Variants in CEP68 observed in about 807,000 individuals in gnomAD.
The protein encoded by CEP68 is centrosomal protein 68.
CEP68 carries 26 observed loss-of-function variants against 55.3 expected under a neutral mutation model. The ratio of observed to expected loss-of-function variants is 0.47; its 90% CI spans 0.34 to 0.65. CEP68 has a LOEUF of 0.65. Ranked by LOEUF, CEP68 falls within the 30% of genes least tolerant of loss-of-function variation. The probability of loss-of-function intolerance (pLI) is 0.01; values close to 1 mark genes in which losing one functional copy is unlikely to be tolerated. For missense variants in CEP68, 957 were observed against 946.7 expected, an observed-to-expected ratio of 1.01 and a Z score of -0.14; for synonymous variants, 402 against 383.2, an observed-to-expected ratio of 1.05 and a Z score of -0.57.
chr2:65,071,100 T>G, intron 2 of CEP68: 2 of 278,990 alleles, frequency 7.2e-6, no homozygotes, highest in East Asian at 8.7e-5. Flanking sequence ...GACAGAGTGA[T>G]TGAGGGTTTC....
Position 65,082,728 on chromosome 2 carries a change from A to C in CEP68, c.*4+19A>C. The C allele has an allele frequency of 6.6e-7, 1 of 1,523,858 alleles. No homozygotes were observed. The highest frequency in any genetic ancestry group is 8.8e-7 in the Non-Finnish European group (1 of 1,140,948). The allele number at this position is 1,523,858 out of a possible 1,614,324, so 94.4% of individuals were successfully genotyped here. A position where few individuals can be genotyped will look rare whatever the true frequency, so the allele number is the denominator to read the frequency against. On this transcript the variant is annotated intron_variant, in intron 6 of 6. Coordinates refer to ENST00000377990, the MANE Select transcript of CEP68 (RefSeq NM_015147.3). Reference sequence around the variant, plus strand: ...TAACCTGGTAAGTGGAGGAACTCAAAAAGAAAATTTGCCCACCAACCCTGC... The same window carrying C: ...TAACCTGGTAAGTGGAGGAACTCAACAAGAAAATTTGCCCACCAACCCTGC...
chr2:65,077,374 G>C (rs1371297478), intron 4 of CEP68, among the ~76,000 whole-genome samples: 3 of 152,192 alleles, frequency 2.0e-5, no homozygotes, highest in Non-Finnish European at 4.4e-5. Context: ...CAAATGAGTT[G>C]CTTGGGAAAC....
chr2:65,056,725 G>T (rs2103732414), intron 1 of CEP68, among the ~76,000 whole-genome samples, 197 bp downstream of exon 1: 1 of 152,162 alleles, frequency 6.6e-6, no homozygotes, highest in Admixed American at 6.5e-5. Flanking sequence ...GGGCGGGGGC[G>T]CCTCGTGCCT....
At chr2:65,080,298 A>AT (rs772975292) in intron 5 of CEP68, 128 of 984,988 alleles carry the variant, frequency 1.3e-4, no homozygotes, top group Non-Finnish European at 1.5e-4. Context: ...GCTCTTTCAG[A>AT]TTGACACACA....
chr2:65,074,219 T>C (rs932290116), intron 3 of CEP68, 63 bp from the exon 4 acceptor site: 12 of 1,587,460 alleles, frequency 7.6e-6, no homozygotes, highest in Non-Finnish European at 1.0e-5. Flanking sequence ...ATTTTTAGCC[T>C]TTTGATAACA....
intron 1 of CEP68, among the ~76,000 whole-genome samples, chr2:65,057,243 C>T (rs1037190661): frequency 6.6e-6 from 1 of 152,222 alleles, no homozygotes; most frequent in South Asian, 2.1e-4. Context: ...ACTGGGAATT[C>T]ATCAGGACCA....
Position 65,074,348 on chromosome 2 carries a change from G to A in CEP68, c.1951G>A (p.Gly651Arg), listed in dbSNP as rs1161075895. 11 of 1,614,072 alleles carry A rather than the reference G, an allele frequency of 6.8e-6. No homozygotes were observed. Among genetic ancestry groups the A allele is most frequent in the East Asian group, 6.7e-5 (3 of 44,898 alleles). ...LYNVADVTDH[G>R]TAARSNLTSL... ...TAATGTTGCAGATGTTACTGACCAC[G>A]GGACTGCAGCCAGGTCCAATCTTAC... The change falls in exon 4 of 7, where the codon GGG becomes AGG. Residue 651 changes from glycine to arginine, a missense_variant. Transcript: ENST00000377990.
intron 1 of CEP68, among the ~76,000 whole-genome samples, chr2:65,066,825 T>C (rs994893904): frequency 4.1e-5 from 6 of 146,528 alleles, no homozygotes; most frequent in Admixed American, 6.8e-5. Context: ...TCCCAGCTGC[T>C]TGGGAGGCTG....
At chr2:65,074,242 C>G (rs768995032) in intron 3 of CEP68, 40 bp from the exon 4 acceptor site, 187 of 1,606,756 alleles carry the variant, frequency 1.2e-4, no homozygotes, top group Non-Finnish European at 1.5e-4. Flanking sequence ...AATAGCTGTT[C>G]GATCAGTAAC....
intron 1 of CEP68, among the ~76,000 whole-genome samples, chr2:65,062,299 C>T (rs982837965): frequency 1.3e-5 from 2 of 152,148 alleles, no homozygotes; most frequent in African/African-American, 4.8e-5. Context: ...TTTGGGAGGC[C>T]GAGGCAGGCA....
rs147283446 is a variant in CEP68 at position 65,063,025 on chromosome 2, G to A, written c.-46-6374G>A. 6.9e-3 allele frequency among the ~76,000 whole-genome samples: 1,045 copies of A among 152,308 alleles called. 10 individuals are homozygous for A. The highest frequency in any genetic ancestry group is 0.01 in the Non-Finnish European group (705 of 68,028). The stretch of plus-strand genomic sequence containing the variant: ...GGAGGAAGCCCGGCAGCTGTGACAG[G>A]AGTGTCCTAGGGTGATGCAGCATAT... On this transcript the variant is annotated intron_variant, in intron 1 of 6. Transcript: ENST00000377990.
intron 1 of CEP68, among the ~76,000 whole-genome samples, chr2:65,059,003 G>A (rs1355114859): frequency 6.6e-6 from 1 of 152,136 alleles, no homozygotes; most frequent in Admixed American, 6.5e-5. Context: ...ATCTGAAATG[G>A]TCATGTAAAA....
At position 65,072,935 on chromosome 2, in the gene CEP68, G is replaced by C. The variant is rs756127713; in HGVS notation, c.1839G>C (p.Arg613Ser). The C allele has an allele frequency of 6.2e-7, 1 of 1,613,866 alleles. No individual in the cohort carries two copies. Among genetic ancestry groups the C allele is most frequent in the South Asian group, 1.1e-5 (1 of 91,090 alleles). The change falls in exon 3 of 7, where the codon AGG becomes AGC. Residue 613 changes from arginine to serine, a missense_variant. Arg to Ser is a moderately radical substitution (Grantham distance 110). Coordinates refer to ENST00000377990, the MANE Select transcript of CEP68 (RefSeq NM_015147.3). ...SDPDVEGQLP[R>S]KGGEQGKESL... The stretch of plus-strand genomic sequence containing the variant: ...CAGATGTTGAAGGGCAGCTTCCCAG[G>C]AAAGGAGGAGAACAGGGAAAAGAAT...
chr2:65,073,048 T>C, intron 3 of CEP68, 68 bp downstream of exon 3: 2 of 1,541,302 alleles, frequency 1.3e-6, no homozygotes, highest in Non-Finnish European at 9.0e-7. Context: ...TCCACTAACA[T>C]CATAATAAAA....
intron 1 of CEP68, among the ~76,000 whole-genome samples, chr2:65,066,698 G>T (rs1165823800): frequency 7.6e-6 from 1 of 131,476 alleles, no homozygotes; most frequent in South Asian, 2.5e-4. Context: ...CTGCACACCA[G>T]CCTGGAAGAC....
At chr2:65,074,622 A>G in intron 4 of CEP68, 1 of 609,476 alleles carries the variant, frequency 1.6e-6, no homozygotes, top group Non-Finnish European at 2.8e-6. Context: ...GATACAATAT[A>G]TTTATCTCAA....
chr2:65,064,456 C>T (rs1190979801), intron 1 of CEP68, among the ~76,000 whole-genome samples: 1 of 152,040 alleles, frequency 6.6e-6, no homozygotes, highest in Admixed American at 6.6e-5. Context: ...AGCAAGAGGC[C>T]GGGCGTGGTG....
At chr2:65,060,625 GA>G (rs1331754362) in intron 1 of CEP68, among the ~76,000 whole-genome samples, 2 of 152,306 alleles carry the variant, frequency 1.3e-5, no homozygotes, top group South Asian at 4.1e-4. Context: ...GTGGTCTGTG[GA>G]AATGCACCCA....
chr2:65,082,494 G>T (rs1423448326), intron 5 of CEP68, 42 bp from the exon 6 acceptor site: 1 of 1,474,848 alleles, frequency 6.8e-7, no homozygotes, highest in Non-Finnish European at 9.0e-7. Context: ...ACACTTGCAT[G>T]GGTTTTATTT....
Sources: allele counts gnomAD v4.1 joint callset (sites outside exome capture counted in the v4.1 genomes callset), GRCh38; gene constraint gnomAD v4.1.1; transcripts MANE v1.5; gene names NCBI Gene and HGNC (gene_info 2026-07-23, HGNC 2026-07-21).